Variants in ST8SIA1 observed in about 807,000 individuals in gnomAD.
ST8SIA1 encodes the protein alpha-N-acetylneuraminide alpha-2,8-sialyltransferase.
In ST8SIA1, 16 loss-of-function variants were observed where a neutral mutation model predicts 35.9. That is an observed-to-expected ratio of 0.45 (90% CI 0.30 to 0.68). ST8SIA1 has a LOEUF of 0.68. Among genes scored for constraint, ST8SIA1 ranks in the 30% least tolerant of loss-of-function variants. ST8SIA1 has a pLI of 0.09. For missense variants in ST8SIA1, 383 were observed against 453.6 expected, an observed-to-expected ratio of 0.84 and a Z score of 1.41; for synonymous variants, 170 against 169.6, an observed-to-expected ratio of 1.00 and a Z score of -0.02.
intron 2 of ST8SIA1, among the ~76,000 whole-genome samples, chr12:22,264,779 A>G (rs575069854): frequency 6.6e-6 from 1 of 152,300 alleles, no homozygotes; most frequent in African/African-American, 2.4e-5. Context: ...CTGTTCTTCA[A>G]TTATATGAAA....
At chr12:22,203,309 T>C (rs766795454) in intron 4 of ST8SIA1, among the ~76,000 whole-genome samples, 1 of 152,176 alleles carries the variant, frequency 6.6e-6, no homozygotes, top group Non-Finnish European at 1.5e-5. Context: ...TCTTGGGTTA[T>C]ATGCAGGTGG....
intron 1 of ST8SIA1, among the ~76,000 whole-genome samples, chr12:22,333,410 T>C (rs1866794343): frequency 6.6e-6 from 1 of 152,210 alleles, no homozygotes; most frequent in African/African-American, 2.4e-5. Context: ...ATAATAATAC[T>C]AGACAGCTGT....
At chr12:22,247,662 A>G (rs1328673358) in intron 4 of ST8SIA1, among the ~76,000 whole-genome samples, 1 of 152,152 alleles carries the variant, frequency 6.6e-6, no homozygotes, top group African/African-American at 2.4e-5. Flanking sequence ...AGGGAGGAGC[A>G]TCAGAGTAAG....
chr12:22,302,368 A>G (rs1384918280), intron 1 of ST8SIA1, among the ~76,000 whole-genome samples: 1 of 152,196 alleles, frequency 6.6e-6, no homozygotes, highest in African/African-American at 2.4e-5. Context: ...ACCTATTTAC[A>G]CACATAAGCC....
At chr12:22,318,137 C>T (rs773728031) in intron 1 of ST8SIA1, among the ~76,000 whole-genome samples, 5 of 152,284 alleles carry the variant, frequency 3.3e-5, no homozygotes, top group Middle Eastern at 6.8e-3. Flanking sequence ...AATACACTTG[C>T]ATAAGGCAAC....
rs527572710 is a variant in ST8SIA1, at chr12:22,314,963, C to A, written c.236+19034G>T. On this transcript the variant is annotated intron_variant, in intron 1 of 4. Transcript: ENST00000396037. ...AACCAACCATTCAGCTAACTCTCAA[C>A]CAAAAACCATTTCTCAGATTTTTCT... Among the ~76,000 whole-genome samples, 9 of 152,234 alleles carry A rather than the reference C, an allele frequency of 5.9e-5. No homozygotes were observed. In the South Asian group the frequency reaches 1.5e-3, roughly 25 times the overall value.
At chr12:22,219,463 G>A (rs1191784549) in intron 4 of ST8SIA1, among the ~76,000 whole-genome samples, 1 of 152,104 alleles carries the variant, frequency 6.6e-6, no homozygotes, top group Non-Finnish European at 1.5e-5. Context: ...GCCAGGATAG[G>A]GTGGAGGCGA....
intron 1 of ST8SIA1, chr12:22,324,856 A>G (rs1483617616): frequency 1.3e-5 from 2 of 152,158 alleles, no homozygotes; most frequent in Non-Finnish European, 2.9e-5. Context: ...ATACTTGGAC[A>G]ATAAATAATT....
At chr12:22,237,843 C>T (rs138842599) in intron 4 of ST8SIA1, among the ~76,000 whole-genome samples, 118 of 152,020 alleles carry the variant, frequency 7.8e-4, no homozygotes, top group Non-Finnish European at 1.3e-3. Flanking sequence ...ACTAAAGGTT[C>T]GTTAATTGTG....
intron 3 of ST8SIA1, 122 bp from the exon 4 acceptor site, chr12:22,249,220 GTTT>G (rs878946392): frequency 2.3e-3 from 1,000 of 438,196 alleles, no homozygotes; most frequent in African/African-American, 4.1e-3. Flanking sequence ...TTTGTTTTTT[GTTT>G]TTTTTTTTTT....
At chr12:22,270,629 A>C (rs567299348) in intron 2 of ST8SIA1, among the ~76,000 whole-genome samples, 2 of 152,296 alleles carry the variant, frequency 1.3e-5, no homozygotes, top group Non-Finnish European at 2.9e-5. Context: ...TAGAGTGTGG[A>C]ATGATAGACA....
intron 4 of ST8SIA1, among the ~76,000 whole-genome samples, chr12:22,239,326 A>G (rs757452055): frequency 2.6e-5 from 4 of 152,142 alleles, no homozygotes; most frequent in Non-Finnish European, 5.9e-5. Context: ...CCACTTTAAC[A>G]TACTCCTTCT....
In ST8SIA1 at chr12:22,198,231, CCCCCTCTTGG is replaced by C. The variant is rs1461282535; in HGVS notation, c.*3311_*3320del. 6.6e-6 allele frequency: 1 copy of C among 152,010 alleles called. No homozygotes were observed. The highest frequency in any genetic ancestry group is 1.5e-5 in the Non-Finnish European group (1 of 67,998). The allele number at this position is 152,010 out of a possible 1,614,324, so 9.4% of individuals were successfully genotyped here. On this transcript the variant is annotated 3_prime_UTR_variant, in exon 5 of 5. Transcript: ENST00000396037. Reference sequence around the variant, plus strand: ...ATTAGTCTGATGGTACAAAGTGATGCCCCCTCTTGGCAGGTGCATCACCAAAAGTGATTAA... The same window carrying C: ...ATTAGTCTGATGGTACAAAGTGATGCCAGGTGCATCACCAAAAGTGATTAA...
At chr12:22,271,012 G>A (rs1483268326) in intron 2 of ST8SIA1, among the ~76,000 whole-genome samples, 1 of 152,072 alleles carries the variant, frequency 6.6e-6, no homozygotes, top group Non-Finnish European at 1.5e-5. Context: ...ACTTGCAATC[G>A]TGGTAGCCTT....
intron 2 of ST8SIA1, among the ~76,000 whole-genome samples, chr12:22,269,160 C>T (rs1865883015): frequency 6.6e-6 from 1 of 151,906 alleles, no homozygotes; most frequent in South Asian, 2.1e-4. Context: ...CCAAAAGACA[C>T]AGTAGGAAAA....
intron 4 of ST8SIA1, among the ~76,000 whole-genome samples, chr12:22,203,004 TG>T (rs1213982858): frequency 6.6e-6 from 1 of 152,230 alleles, no homozygotes; most frequent in South Asian, 2.1e-4. Flanking sequence ...ATATCTGTTT[TG>T]TTTGTTAGAA....
At chr12:22,302,230 T>TTC (rs1555161164) in intron 1 of ST8SIA1, among the ~76,000 whole-genome samples, 2 of 151,998 alleles carry the variant, frequency 1.3e-5, no homozygotes, top group African/African-American at 4.8e-5. Flanking sequence ...TTTCGATTTT[T>TTC]TTCTTTCTTT....
At chr12:22,309,182 T>TAGG in intron 1 of ST8SIA1, among the ~76,000 whole-genome samples, 2 of 152,272 alleles carry the variant, frequency 1.3e-5, no homozygotes, top group East Asian at 3.9e-4. Context: ...TTCTTGGCCA[T>TAGG]GACGAGGGAT....
intron 1 of ST8SIA1, among the ~76,000 whole-genome samples, chr12:22,305,067 T>G (rs1166383591): frequency 1.3e-5 from 2 of 152,206 alleles, no homozygotes; most frequent in Non-Finnish European, 2.9e-5. Context: ...TTTGCAAGTC[T>G]AAGATAGGAA....
Sources: allele counts gnomAD v4.1 joint callset (sites outside exome capture counted in the v4.1 genomes callset), GRCh38; gene constraint gnomAD v4.1.1; transcripts MANE v1.5; gene names NCBI Gene and HGNC (gene_info 2026-07-23, HGNC 2026-07-21).